The following TBC1D12 variants were observed in gnomAD, a reference collection of about 807,000 sequenced individuals.
TBC1D12 encodes TBC1 domain family, member 12.
A neutral mutation model predicts 86.7 loss-of-function variants in TBC1D12; 56 were observed. The observed-to-expected ratio is 0.65, with a 90% CI of 0.52 to 0.81. TBC1D12 has a LOEUF of 0.81. TBC1D12 is among the 30% of genes least tolerant of loss of function. The pLI, the probability that TBC1D12 is intolerant of heterozygous loss-of-function variation, is 0.00. For synonymous variants in TBC1D12, 421 were observed against 411.7 expected (o/e 1.02, Z -0.27); for missense variants, 1,023 against 1,038.8 (o/e 0.98, Z 0.21).
chr10:94,503,125 A>G (rs1435489035), intron 6 of TBC1D12, among the ~76,000 whole-genome samples: 1 of 152,216 alleles, frequency 6.6e-6, no homozygotes. Flanking sequence ...AGTCTGTCTC[A>G]TATGTACTAC....
At chr10:94,528,562 C>G (rs1842352302) in intron 11 of TBC1D12, among the ~76,000 whole-genome samples, 2 of 152,102 alleles carry the variant, frequency 1.3e-5, no homozygotes, top group Admixed American at 6.6e-5. Flanking sequence ...AGGCTCATAC[C>G]TGTAATCCCA....
At position 94,521,960 on chromosome 10, in the gene TBC1D12, A is replaced by G. The variant is rs530342783; in HGVS notation, c.1767A>G (p.Gln589=). ...TCYRPDVGYV[Q]GMSFIAAVLI... is the part of the protein sequence containing the mutation. The stretch of plus-strand genomic sequence containing the variant: ...AAATTTTTCTCCCTTTGAAGGTCCA[A>G]GGGATGTCCTTCATTGCAGCAGTAC... Residue 589 remains glutamine, a synonymous_variant, in exon 10 of 13, where the codon CAA becomes CAG. Coordinates refer to ENST00000225235, the MANE Select transcript of TBC1D12 (RefSeq NM_015188.2). The G allele has an allele frequency of 6.9e-6, 11 of 1,602,514 alleles. No individual in the cohort carries two copies. In the East Asian group the frequency reaches 2.5e-4, roughly 36 times the overall value.
intron 1 of TBC1D12, among the ~76,000 whole-genome samples, chr10:94,439,659 C>T (rs1199376431): frequency 1.3e-5 from 2 of 152,160 alleles, no homozygotes; most frequent in Non-Finnish European, 2.9e-5. Flanking sequence ...GCCCCTTTCT[C>T]CTTCAGTGTC....
chr10:94,447,656 C>T lies in TBC1D12; in HGVS notation c.1095+5637C>T, dbSNP rs1466383034. 4 of 984,812 alleles carry T rather than the reference C, an allele frequency of 4.1e-6. No homozygotes were observed. In the East Asian group the frequency reaches 4.6e-4, roughly 112 times the overall value. The allele number at this position is 984,812 out of a possible 1,614,324, so 61.0% of individuals were successfully genotyped here. ...GCAGATGTGAAATTCCGCTTGTGGC[C>T]TTTTGAACCAGTTGGTGAGCCGTGT... On this transcript the variant is annotated intron_variant, in intron 2 of 12. Transcript: ENST00000225235.
At chr10:94,455,764 C>T (rs900672189) in intron 2 of TBC1D12, among the ~76,000 whole-genome samples, 8 of 151,982 alleles carry the variant, frequency 5.3e-5, no homozygotes, top group African/African-American at 1.9e-4. Flanking sequence ...ATCCTGTCTG[C>T]ACTAAAAATA....
chr10:94,412,053 G>A (rs2054935517), intron 1 of TBC1D12, among the ~76,000 whole-genome samples: 1 of 152,176 alleles, frequency 6.6e-6, no homozygotes, highest in Non-Finnish European at 1.5e-5. Flanking sequence ...TTACAGGATG[G>A]TATGGTGCTT....
In TBC1D12 at chr10:94,523,828, A is replaced by C. The variant is rs548020917; in HGVS notation, c.2000+1375A>C. Among the ~76,000 whole-genome samples, 12 of 152,168 alleles carry C rather than the reference A, an allele frequency of 7.9e-5. No individual in the cohort carries two copies. In the South Asian group the frequency reaches 1.2e-3, roughly 16 times the overall value. ...AAATAAAAATAAAAAAATTGGCCAG[A>C]CATAGTCGTGCATTCCTGTAGTCCC... On this transcript the variant is annotated intron_variant, in intron 11 of 12. Transcript: ENST00000225235.
chr10:94,476,789 T>C (rs913127138), intron 3 of TBC1D12, among the ~76,000 whole-genome samples: 4 of 152,248 alleles, frequency 2.6e-5, no homozygotes, highest in African/African-American at 9.6e-5. Context: ...TCATATCATA[T>C]CTGCCTCTTT....
Position 94,512,008 on chromosome 10 carries a change from G to A in TBC1D12, c.1761+354G>A, listed in dbSNP as rs193173055. On this transcript the variant is annotated intron_variant, in intron 9 of 12. Coordinates refer to ENST00000225235, the MANE Select transcript of TBC1D12 (RefSeq NM_015188.2). ...GTTCTACCAGGTTAAGGGAAGGATA[G>A]GTACCTGTCCCTAAAGGATAGGGGA... Among the ~76,000 whole-genome samples, 59 of 152,242 alleles carry A rather than the reference G, an allele frequency of 3.9e-4. No homozygotes were observed. The East Asian group carries it at 0.011, about 28-fold the overall frequency.
intron 3 of TBC1D12, among the ~76,000 whole-genome samples, chr10:94,475,023 T>C (rs1261011660): frequency 6.6e-6 from 1 of 152,284 alleles, no homozygotes; most frequent in South Asian, 2.1e-4. Context: ...CAAGTGATCC[T>C]CCTGCCTCAG....
intron 2 of TBC1D12, among the ~76,000 whole-genome samples, chr10:94,467,787 G>T (rs1484323695): frequency 6.6e-6 from 1 of 152,106 alleles, no homozygotes; most frequent in Non-Finnish European, 1.5e-5. Context: ...GGGTGCAGCA[G>T]TGAGCTCATA....
chr10:94,518,181 C>G (rs931009326), intron 9 of TBC1D12, among the ~76,000 whole-genome samples: 1 of 151,990 alleles, frequency 6.6e-6, no homozygotes, highest in African/African-American at 2.4e-5. Flanking sequence ...TCCTAGGACT[C>G]TCCCTCAAGG....
intron 2 of TBC1D12, among the ~76,000 whole-genome samples, chr10:94,442,942 A>G (rs1161657700): frequency 2.0e-5 from 3 of 152,136 alleles, no homozygotes; most frequent in Non-Finnish European, 4.4e-5. Context: ...ATTGTAGTTA[A>G]TTCTTTTTTT....
chr10:94,511,561 A>C (rs1589668496), intron 8 of TBC1D12, 22 bp from the exon 9 acceptor site: 1 of 1,526,166 alleles, frequency 6.6e-7, no homozygotes, highest in African/African-American at 1.4e-5. Flanking sequence ...TACAGTTTCA[A>C]ATTTCATTTT....
chr10:94,517,726 A>G (rs1423894679), intron 9 of TBC1D12, among the ~76,000 whole-genome samples: 13 of 152,244 alleles, frequency 8.5e-5, no homozygotes, highest in Admixed American at 8.5e-4. Flanking sequence ...TCATGATTTG[A>G]CAAAATACGT....
chr10:94,471,290 A>C (rs549751253), intron 2 of TBC1D12, among the ~76,000 whole-genome samples: 1 of 152,116 alleles, frequency 6.6e-6, no homozygotes, highest in African/African-American at 2.4e-5. Context: ...AAAAAAAAAA[A>C]AAAAAGCTCA....
At position 94,533,097 on chromosome 10, in the gene TBC1D12, TCTTC is replaced by T. The variant is rs1476927928; in HGVS notation, c.*2_*5del. The T allele has an allele frequency of 1.3e-6, 2 of 1,580,502 alleles. No individual in the cohort carries two copies. Among genetic ancestry groups the T allele is most frequent in the East Asian group, 4.6e-5 (2 of 43,948 alleles). On this transcript the variant is annotated 3_prime_UTR_variant, in exon 13 of 13. Coordinates refer to ENST00000225235, the MANE Select transcript of TBC1D12 (RefSeq NM_015188.2). ...CAGTAGTCCTGCTTTGAAAAGCTAG[TCTTC>T]AAAATTGACAGACTAACTGACATAG...
intron 6 of TBC1D12, among the ~76,000 whole-genome samples, chr10:94,503,112 A>G (rs2056419843): frequency 6.6e-6 from 1 of 152,332 alleles, no homozygotes. Context: ...GTTAGTACAT[A>G]CAAGTCTGTC....
At chr10:94,528,213 G>A (rs1842345027) in intron 11 of TBC1D12, among the ~76,000 whole-genome samples, 1 of 151,950 alleles carries the variant, frequency 6.6e-6, no homozygotes, top group South Asian at 2.1e-4. Context: ...CTATGAACAT[G>A]GGATGTCTTT....
Sources: gnomAD v4.1 joint callset for allele counts (sites outside exome capture counted in the v4.1 genomes callset) on GRCh38, gnomAD v4.1.1 for gene constraint, MANE v1.5 for transcripts, NCBI Gene and HGNC (gene_info 2026-07-23, HGNC 2026-07-21) for gene names.